The following ZNF2 variants were observed in gnomAD, a reference collection of about 807,000 sequenced individuals.
The protein encoded by ZNF2 is zinc finger protein 2.
Under a neutral mutation model 21.9 loss-of-function variants are expected in ZNF2, and 12 were observed. The ratio of observed to expected loss-of-function variants is 0.55; its 90% CI spans 0.35 to 0.89. The LOEUF is 0.89. ZNF2 is among the 40% of genes least tolerant of loss of function. The pLI is 0.01. For synonymous variants in ZNF2, 186 were observed against 196.3 expected (o/e 0.95, Z 0.44); for missense variants, 462 against 544.2 (o/e 0.85, Z 1.50).
chr2:95,183,612 T>A lies in ZNF2; in HGVS notation c.*1506T>A, dbSNP rs1386474775. 1 of 126,296 alleles carries A rather than the reference T, an allele frequency of 7.9e-6. No individual in the cohort carries two copies. Among genetic ancestry groups the A allele is most frequent in the Non-Finnish European group, 1.6e-5 (1 of 62,184 alleles). The allele number at this position is 126,296 out of a possible 1,614,324, so 7.8% of individuals were successfully genotyped here. On this transcript the variant is annotated 3_prime_UTR_variant, in exon 5 of 5. Coordinates refer to ENST00000614034, the MANE Select transcript of ZNF2 (RefSeq NM_021088.4). ...CTCTTCTCTTCCCTGGGCCCAGTCCTATTTTTTTTTTTTTTTTTTTTTTTG... is the reference window on the plus strand; with the variant it reads ...CTCTTCTCTTCCCTGGGCCCAGTCCAATTTTTTTTTTTTTTTTTTTTTTTG...
In ZNF2 at chr2:95,176,217, A is replaced by G. The variant is rs944120724; in HGVS notation, c.-10A>G. 3 of 1,614,178 alleles carry G rather than the reference A, an allele frequency of 1.9e-6. No homozygotes were observed. The highest frequency in any genetic ancestry group is 2.5e-6 in the Non-Finnish European group (3 of 1,180,034). ...CTGCCCTTGTCCACAAGGAGAGCAC[A>G]CAGGAGAGAATGGCTGCTGTGTCTC... is the stretch of plus-strand genomic sequence containing the variant. On this transcript the variant is annotated 5_prime_UTR_variant, in exon 2 of 5. Transcript: ENST00000614034.
rs10578519 is a variant in ZNF2, at chr2:95,181,295, T to TGCG, written c.471_473dup (p.Arg159dup). The TGCG allele has an allele frequency of 0.01, 16,280 of 1,614,136 alleles. 113 individuals are homozygous for TGCG. Among genetic ancestry groups the TGCG allele is most frequent in the Non-Finnish European group, 0.012 (13,807 of 1,180,026 alleles). ...AAATCCCTCTCCCGGGACAAAGGCTTGCGGCGACGGTCAGCCCTGTCCAGG... is the reference window on the plus strand; with the variant it reads ...AAATCCCTCTCCCGGGACAAAGGCTTGCGGCGGCGACGGTCAGCCCTGTCCAGG... On this transcript the variant is annotated inframe_insertion, in exon 5 of 5. Transcript: ENST00000614034.
rs536052463 is a variant in ZNF2, at chr2:95,171,858, G to A, written c.-39-4330G>A. ...CACTCAGTGTGGCGTGGCCACCTGTGTTGGGGTCCCCAGGATCACCCCAGG... is the reference window on the plus strand; with the variant it reads ...CACTCAGTGTGGCGTGGCCACCTGTATTGGGGTCCCCAGGATCACCCCAGG... On this transcript the variant is annotated intron_variant, in intron 1 of 4. Coordinates refer to ENST00000614034, the MANE Select transcript of ZNF2 (RefSeq NM_021088.4). 3.3e-5 allele frequency among the ~76,000 whole-genome samples: 5 copies of A among 152,296 alleles called. No homozygotes were observed. The South Asian group carries it at 1.0e-3, about 32-fold the overall frequency.
intron 1 of ZNF2, among the ~76,000 whole-genome samples, chr2:95,172,546 T>A (rs1184871773): frequency 6.6e-6 from 1 of 152,194 alleles, no homozygotes; most frequent in East Asian, 1.9e-4. Flanking sequence ...TACATTTTAT[T>A]ATGTGTTTTT....
chr2:95,177,156 ATAAAG>A (rs921465369), intron 2 of ZNF2, among the ~76,000 whole-genome samples: 3 of 152,248 alleles, frequency 2.0e-5, no homozygotes, highest in Non-Finnish European at 4.4e-5. Context: ...AGACAGAAAA[ATAAAG>A]TAAATGTGGA....
chr2:95,169,583 T>C (rs925697227), intron 1 of ZNF2, among the ~76,000 whole-genome samples: 3 of 151,954 alleles, frequency 2.0e-5, no homozygotes, highest in Non-Finnish European at 4.4e-5. Flanking sequence ...GGTGAAACCC[T>C]CTACAAAAAT....
At chr2:95,178,224 C>T (rs913157693) in intron 3 of ZNF2, among the ~76,000 whole-genome samples, 9 of 152,152 alleles carry the variant, frequency 5.9e-5, no homozygotes, top group African/African-American at 2.2e-4. Context: ...TAAAGTTGGG[C>T]TCCTGGAGGT....
At chr2:95,180,870 T>C (rs1674614466) in intron 4 of ZNF2, among the ~76,000 whole-genome samples, 1 of 152,186 alleles carries the variant, frequency 6.6e-6, no homozygotes, top group Non-Finnish European at 1.5e-5. Context: ...CTGATTGTCC[T>C]GGCCATGCTC....
intron 1 of ZNF2, among the ~76,000 whole-genome samples, chr2:95,167,795 C>T (rs1445484706): frequency 2.7e-5 from 4 of 148,502 alleles, no homozygotes; most frequent in Admixed American, 6.8e-5. Flanking sequence ...TGCAGTGAGC[C>T]GAGATGATGC....
intron 1 of ZNF2, among the ~76,000 whole-genome samples, chr2:95,170,614 C>T (rs1475222730): frequency 6.6e-6 from 1 of 152,208 alleles, no homozygotes; most frequent in Non-Finnish European, 1.5e-5. Context: ...TTAAATGCTA[C>T]CAAACAGACC....
chr2:95,173,555 C>G (rs1455505736), intron 1 of ZNF2, among the ~76,000 whole-genome samples: 2 of 152,226 alleles, frequency 1.3e-5, no homozygotes, highest in African/African-American at 4.8e-5. Flanking sequence ...CAGATTCTTA[C>G]AAAGCCTTAA....
chr2:95,183,639 GAGAC>G lies in ZNF2; in HGVS notation c.*1537_*1540del, dbSNP rs1674759842. On this transcript the variant is annotated 3_prime_UTR_variant, in exon 5 of 5. Transcript: ENST00000614034. ...TTTTTTTTTTTTTTTTTTTTTTTGTGAGACAGAGTCTCACTCTGTCACCCAGGTT... is the reference window on the plus strand; with the variant it reads ...TTTTTTTTTTTTTTTTTTTTTTTGTGAGAGTCTCACTCTGTCACCCAGGTT... The G allele has an allele frequency of 9.9e-5, 6 of 60,304 alleles. No homozygotes were observed. The highest frequency in any genetic ancestry group is 1.3e-4 in the Non-Finnish European group (4 of 31,460). 3.7% of individuals were successfully genotyped at this position (60,304 alleles called of 1,614,324 possible). A position where few individuals can be genotyped will look rare whatever the true frequency, so the allele number is the denominator to read the frequency against.
intron 1 of ZNF2, among the ~76,000 whole-genome samples, chr2:95,171,829 C>T (rs1233582415): frequency 6.6e-6 from 1 of 152,224 alleles, no homozygotes; most frequent in African/African-American, 2.4e-5. Context: ...CATCACACCA[C>T]AGCCACTCAG....
rs775200936 is a variant in ZNF2, at chr2:95,181,608, C to T, written c.780C>T (p.Asn260=). ...CTGGAGAGAAACCCTTTCAGTGCAA[C>T]GAGTGTGGAAAAGCCTTTTTTGACC... The part of the protein sequence containing the change: ...IHTGEKPFQC[N]ECGKAFFDRS... Residue 260 remains asparagine, a synonymous_variant, in exon 5 of 5, where the codon AAC becomes AAT. Coordinates refer to ENST00000614034, the MANE Select transcript of ZNF2 (RefSeq NM_021088.4). 1.4e-5 allele frequency: 23 copies of T among 1,614,032 alleles called. No homozygotes were observed. The highest frequency in any genetic ancestry group is 6.6e-5 in the South Asian group (6 of 91,090).
chr2:95,168,622 G>C (rs1443618142), intron 1 of ZNF2, among the ~76,000 whole-genome samples: 1 of 152,224 alleles, frequency 6.6e-6, no homozygotes, highest in Admixed American at 6.5e-5. Flanking sequence ...AGTGGGATGA[G>C]TGGATGGATT....
chr2:95,172,802 A>G (rs555807480), intron 1 of ZNF2, among the ~76,000 whole-genome samples: 1 of 151,974 alleles, frequency 6.6e-6, no homozygotes, highest in East Asian at 1.9e-4. Context: ...ATGCCTGGCT[A>G]ATTTTTGTAT....
intron 1 of ZNF2, among the ~76,000 whole-genome samples, chr2:95,175,791 A>T (rs545242850): frequency 2.3e-4 from 35 of 152,204 alleles, no homozygotes; most frequent in Non-Finnish European, 3.8e-4. Flanking sequence ...TTTTCCTTTG[A>T]AGAGACTGGA....
In ZNF2 at chr2:95,182,044, T is replaced by C; in HGVS notation, c.1216T>C (p.Phe406Leu). Residue 406 changes from phenylalanine (F) to leucine (L), a missense_variant, in exon 5 of 5, where the codon TTC (phenylalanine) becomes CTC (leucine). Phe to Leu is a conservative substitution (Grantham distance 22, BLOSUM62 0). Coordinates refer to ENST00000614034, the MANE Select transcript of ZNF2 (RefSeq NM_021088.4). ...PFECTVCGKV[F>L]SSKSSVIQHQ... is the part of the protein sequence containing the mutation. ...TGAATGCACTGTGTGTGGGAAAGTT[T>C]TCAGTTCAAAATCTTCTGTTATTCA... is the stretch of plus-strand genomic sequence containing the variant. The C allele has an allele frequency of 6.2e-7, 1 of 1,613,610 alleles. No homozygotes were observed. Among genetic ancestry groups the C allele is most frequent in the Non-Finnish European group, 8.5e-7 (1 of 1,179,580 alleles).
chr2:95,173,970 A>C (rs1201038556), intron 1 of ZNF2, among the ~76,000 whole-genome samples: 1 of 152,214 alleles, frequency 6.6e-6, no homozygotes, highest in Non-Finnish European at 1.5e-5. Flanking sequence ...TGGCCTCCCA[A>C]AGTGCTGGGA....
Sources: allele counts gnomAD v4.1 joint callset (sites outside exome capture counted in the v4.1 genomes callset), GRCh38; gene constraint gnomAD v4.1.1; transcripts MANE v1.5; gene names NCBI Gene and HGNC (gene_info 2026-07-23, HGNC 2026-07-21).